Variants in DRC2 observed in about 807,000 individuals in gnomAD.
The protein encoded by DRC2 is coiled-coil domain containing 65.
chr12:48,918,171 T>C, the DRC2 span: 3 of 1,083,544 alleles, frequency 2.8e-6, no homozygotes, highest in South Asian at 4.4e-5. Flanking sequence ...ACCTCTGTAC[T>C]AAACTATGCT....
the DRC2 span, chr12:48,914,388 T>C: frequency 1.1e-5 from 18 of 1,574,808 alleles, no homozygotes; most frequent in Non-Finnish European, 1.6e-5. Context: ...ATGGTAACTC[T>C]CTCTTTCTGG....
the DRC2 span, among the ~76,000 whole-genome samples, chr12:48,913,925 C>CTTTTT: frequency 2.1e-5 from 2 of 95,998 alleles, no homozygotes; most frequent in Non-Finnish European, 4.0e-5. Flanking sequence ...CGTGCCCAGT[C>CTTTTT]TTTTTTTTTT....
At chr12:48,917,480 GA>G in the DRC2 span, among the ~76,000 whole-genome samples, 1 of 151,688 alleles carries the variant, frequency 6.6e-6, no homozygotes, top group East Asian at 1.9e-4. Context: ...ATTAAAAAAA[GA>G]AAAAAAGAAA....
At chr12:48,919,020 T>C in the DRC2 span, 32 of 658,864 alleles carry the variant, frequency 4.9e-5, no homozygotes, top group Non-Finnish European at 8.5e-5. Context: ...GAGTGGACAC[T>C]TGGAATACCT....
chr12:48,916,738 C>A, the DRC2 span, among the ~76,000 whole-genome samples: 2 of 152,130 alleles, frequency 1.3e-5, no homozygotes, highest in Admixed American at 6.5e-5. Context: ...CTCACTGTAA[C>A]CTTTTGTACT....
At chr12:48,905,132 G>T in the DRC2 span, 1 of 1,574,340 alleles carries the variant, frequency 6.4e-7, no homozygotes, top group South Asian at 1.2e-5. Flanking sequence ...TCTTTCCAAG[G>T]AAACCTTGAG....
At chr12:48,910,516 T>G in the DRC2 span, among the ~76,000 whole-genome samples, 1 of 152,296 alleles carries the variant, frequency 6.6e-6, no homozygotes, top group African/African-American at 2.4e-5. Flanking sequence ...ATGTGGGCAA[T>G]TCTGTAAATG....
the DRC2 span, among the ~76,000 whole-genome samples, chr12:48,905,301 C>T: frequency 2.8e-4 from 43 of 152,174 alleles, 1 homozygote; most frequent in East Asian, 6.9e-3. Flanking sequence ...CTTAGAGGAC[C>T]CACTCTTCTT....
the DRC2 span, among the ~76,000 whole-genome samples, chr12:48,913,300 A>G: frequency 2.6e-5 from 4 of 151,530 alleles, no homozygotes; most frequent in African/African-American, 9.7e-5. Context: ...GCTCTTTGCT[A>G]TCACTTCTTT....
the DRC2 span, among the ~76,000 whole-genome samples, chr12:48,908,570 G>GATT: frequency 0.049 from 6,956 of 140,970 alleles, 228 homozygotes; most frequent in Non-Finnish European, 0.065. Flanking sequence ...GAACTACCAG[G>GATT]ATTATTATTA....
the DRC2 span, chr12:48,914,268 T>G: frequency 3.6e-6 from 3 of 840,368 alleles, no homozygotes; most frequent in Non-Finnish European, 3.6e-6. Flanking sequence ...TACACAAGAG[T>G]GAGGGGGACA....
chr12:48,913,113 G>A, the DRC2 span, among the ~76,000 whole-genome samples: 3 of 114,902 alleles, frequency 2.6e-5, no homozygotes, highest in Non-Finnish European at 5.1e-5. Context: ...CCAGCCTGGT[G>A]ACAGAGCAAG....
the DRC2 span, chr12:48,917,191 C>A: frequency 1.3e-6 from 2 of 1,521,006 alleles, no homozygotes; most frequent in Non-Finnish European, 1.8e-6. Context: ...TGGCTCACAC[C>A]TGTAATCCCA....
chr12:48,921,422 T>TA, the DRC2 span: 30 of 1,609,898 alleles, frequency 1.9e-5, no homozygotes, highest in Non-Finnish European at 2.5e-5. Context: ...ATCCAGGTGA[T>TA]AAACAACATC....
the DRC2 span, chr12:48,918,857 T>C: frequency 1.9e-6 from 3 of 1,614,100 alleles, no homozygotes; most frequent in Non-Finnish European, 1.7e-6. Flanking sequence ...AGACTCACCC[T>C]GGAAAGTAAT....
At chr12:48,915,496 C>G in the DRC2 span, among the ~76,000 whole-genome samples, 1 of 151,050 alleles carries the variant, frequency 6.6e-6, no homozygotes, top group African/African-American at 2.4e-5. Flanking sequence ...AATGAAAAGT[C>G]TCCCATGTCT....
the DRC2 span, among the ~76,000 whole-genome samples, chr12:48,919,767 T>C: frequency 0.043 from 6,522 of 152,162 alleles, 209 homozygotes; most frequent in Non-Finnish European, 0.062. Flanking sequence ...TCCACCCACT[T>C]TGGCTTCTCA....
At chr12:48,919,766 T>C in the DRC2 span, among the ~76,000 whole-genome samples, 50,051 of 151,604 alleles carry the variant, frequency 0.33, 9,191 homozygotes, top group Admixed American at 0.48. Context: ...ATCCACCCAC[T>C]TTGGCTTCTC....
At chr12:48,910,992 C>T in the DRC2 span, among the ~76,000 whole-genome samples, 1 of 152,146 alleles carries the variant, frequency 6.6e-6, no homozygotes, top group African/African-American at 2.4e-5. Flanking sequence ...TTGCAGTGAG[C>T]CAAGATTGTG....
Sources: gnomAD v4.1 joint callset for allele counts (sites outside exome capture counted in the v4.1 genomes callset) on GRCh38, gnomAD v4.1.1 for gene constraint, MANE v1.5 for transcripts, NCBI Gene and HGNC (gene_info 2026-07-23, HGNC 2026-07-21) for gene names.